Variants in AGAP1 observed in about 807,000 individuals in gnomAD.
AGAP1 encodes the protein ArfGAP with GTPase domain, ankyrin repeat and PH domain 1, also known as arf-GAP with GTPase, ANK repeat and PH domain-containing protein 1.
In AGAP1, 29 loss-of-function variants were observed where a neutral mutation model predicts 105.3. The ratio of observed to expected loss-of-function variants is 0.28; its 90% CI spans 0.21 to 0.38. The LOEUF is 0.38. Ranked by LOEUF, AGAP1 falls within the 10% of genes least tolerant of loss-of-function variation. The probability of loss-of-function intolerance (pLI) is 1.00; values close to 1 mark genes in which losing one functional copy is unlikely to be tolerated. For missense variants in AGAP1, 998 were observed against 1,165.1 expected (o/e 0.86, Z 2.09); for synonymous variants, 509 against 485.9 (o/e 1.05, Z -0.63).
chr2:236,030,779 C>T lies in AGAP1; in HGVS notation c.1646-5782C>T, dbSNP rs913689884. Among the ~76,000 whole-genome samples the T allele has an allele frequency of 5.9e-5, 9 of 152,244 alleles. No individual in the cohort carries two copies. In the South Asian group the frequency reaches 6.2e-4, roughly 11 times the overall value. On this transcript the variant is annotated intron_variant, in intron 13 of 17. Coordinates refer to ENST00000304032, the MANE Select transcript of AGAP1 (RefSeq NM_001037131.3). Reference sequence around the variant, plus strand: ...GCTTAAGTGTTGGAGAGGAGAGCGACAGCACAAACTTCTTACACAGTAAAC... The same window carrying T: ...GCTTAAGTGTTGGAGAGGAGAGCGATAGCACAAACTTCTTACACAGTAAAC...
At chr2:235,849,859 T>C (rs1961974724) in intron 9 of AGAP1, among the ~76,000 whole-genome samples, 2 of 152,184 alleles carry the variant, frequency 1.3e-5, no homozygotes, top group Admixed American at 1.3e-4. Context: ...CCTGTCCCCA[T>C]CTCACACATG....
At chr2:235,949,661 C>G (rs947949492) in intron 12 of AGAP1, among the ~76,000 whole-genome samples, 1 of 152,204 alleles carries the variant, frequency 6.6e-6, no homozygotes, top group Non-Finnish European at 1.5e-5. Context: ...GCGCCATGCT[C>G]TTTTTGCTAA....
chr2:235,686,614 GATATAGATATATAT>G (rs1165124677), intron 1 of AGAP1, among the ~76,000 whole-genome samples: 1 of 37,928 alleles, frequency 2.6e-5, no homozygotes, highest in Non-Finnish European at 5.1e-5. Flanking sequence ...TATACGTGGA[GATATAGATATATAT>G]ATATATATAT....
At chr2:236,077,574 C>T (rs1576246105) in intron 16 of AGAP1, among the ~76,000 whole-genome samples, 1 of 152,138 alleles carries the variant, frequency 6.6e-6, no homozygotes, top group South Asian at 2.1e-4. Flanking sequence ...CCACCTTGGC[C>T]TCCCAAAGTG....
chr2:235,939,584 T>TCGCTGTCCC (rs113141143), intron 12 of AGAP1, among the ~76,000 whole-genome samples: 94,357 of 151,350 alleles, frequency 0.62, 30,661 homozygotes, highest in African/African-American at 0.82. Flanking sequence ...TCGTCTGTCC[T>TCGCTGTCCC]CAGCTACCAC....
chr2:236,048,867 C>G (rs965635980), intron 15 of AGAP1, among the ~76,000 whole-genome samples, 192 bp from the exon 16 acceptor site: 8 of 152,248 alleles, frequency 5.3e-5, no homozygotes, highest in Non-Finnish European at 8.8e-5. Flanking sequence ...TGTTCTGAAG[C>G]TACTACCAAC....
Position 235,720,797 on chromosome 2 carries a change from T to C in AGAP1, c.310+3153T>C. 1.3e-6 allele frequency: 1 copy of C among 771,284 alleles called. No homozygotes were observed. The highest frequency in any genetic ancestry group is 1.6e-6 in the Non-Finnish European group (1 of 634,932). The allele number at this position is 771,284 out of a possible 1,614,324, so 47.8% of individuals were successfully genotyped here. A position where few individuals can be genotyped will look rare whatever the true frequency, so the allele number is the denominator to read the frequency against. On this transcript the variant is annotated intron_variant, in intron 3 of 17. Coordinates refer to ENST00000304032, the MANE Select transcript of AGAP1 (RefSeq NM_001037131.3). This position sits in a 1 kb window ranked among gnomAD's most constrained non-coding sequence, Gnocchi z 5.0. ...AGGGGTGAGGGTGAGGGCCTTCCTGTCTTCAGGGGAGAGCTCTCTCGTGGT... is the reference window on the plus strand; with the variant it reads ...AGGGGTGAGGGTGAGGGCCTTCCTGCCTTCAGGGGAGAGCTCTCTCGTGGT...
chr2:235,837,326 A>G (rs1960289636), intron 9 of AGAP1, among the ~76,000 whole-genome samples: 1 of 152,158 alleles, frequency 6.6e-6, no homozygotes, highest in South Asian at 2.1e-4. Flanking sequence ...AAATATGATT[A>G]ACAGCGGTTA....
At position 236,121,872 on chromosome 2, in the gene AGAP1, G is replaced by A. The variant is rs888343680; in HGVS notation, c.2370+1425G>A. The stretch of plus-strand genomic sequence containing the variant: ...TGGTTCCTGGCGAGGCCTCTCTCAC[G>A]GCTGGTAGACGGCCGCCCTCTCCCT... On this transcript the variant is annotated intron_variant, in intron 17 of 17. Coordinates refer to ENST00000304032, the MANE Select transcript of AGAP1 (RefSeq NM_001037131.3). This position sits in a 1 kb window ranked among gnomAD's most constrained non-coding sequence, Gnocchi z 4.9. Among the ~76,000 whole-genome samples, 3 of 152,124 alleles carry A rather than the reference G, an allele frequency of 2.0e-5. No individual in the cohort carries two copies. Among genetic ancestry groups the A allele is most frequent in the East Asian group, 1.9e-4 (1 of 5,184 alleles).
At chr2:235,771,907 A>C (rs142236572) in intron 6 of AGAP1, among the ~76,000 whole-genome samples, 2 of 151,772 alleles carry the variant, frequency 1.3e-5, no homozygotes, top group African/African-American at 4.8e-5. Flanking sequence ...ATTCAGATGG[A>C]ATTACATAAC....
At chr2:235,565,383 G>A (rs562238724) in intron 1 of AGAP1, among the ~76,000 whole-genome samples, 2 of 152,228 alleles carry the variant, frequency 1.3e-5, no homozygotes, top group Non-Finnish European at 2.9e-5. Context: ...TGTGGTATCT[G>A]TTTTATAGGA....
intron 6 of AGAP1, among the ~76,000 whole-genome samples, chr2:235,758,708 A>G (rs968922144): frequency 6.6e-6 from 1 of 152,234 alleles, no homozygotes; most frequent in African/African-American, 2.4e-5. Flanking sequence ...CTCTGGCAGC[A>G]CTTATGCGGT....
intron 9 of AGAP1, among the ~76,000 whole-genome samples, chr2:235,837,981 G>GT (rs1219464361): frequency 6.6e-6 from 1 of 152,144 alleles, no homozygotes; most frequent in Non-Finnish European, 1.5e-5. Context: ...TCAGGAGTAT[G>GT]AGACCAGCCT....
chr2:235,997,580 G>A (rs1311561907), intron 13 of AGAP1, among the ~76,000 whole-genome samples: 2 of 152,170 alleles, frequency 1.3e-5, no homozygotes, highest in Admixed American at 6.5e-5. Context: ...CTGACTGTGT[G>A]GTAACTGCCC....
chr2:235,550,691 G>A lies in AGAP1; in HGVS notation c.163+55842G>A, dbSNP rs1175821291. Among the ~76,000 whole-genome samples the A allele has an allele frequency of 6.6e-6, 1 of 152,244 alleles. No homozygotes were observed. Among genetic ancestry groups the A allele is most frequent in the Non-Finnish European group, 1.5e-5 (1 of 68,046 alleles). On this transcript the variant is annotated intron_variant, in intron 1 of 17. Transcript: ENST00000304032. This position sits in a 1 kb window ranked among gnomAD's most constrained non-coding sequence, Gnocchi z 4.6. ...CTGAGGCGTGGGGATCTCCGGGCAT[G>A]ATGCGGAATGTAGTGACGATCGCAA...
chr2:235,588,544 G>A (rs1487125966), intron 1 of AGAP1, among the ~76,000 whole-genome samples: 1 of 151,740 alleles, frequency 6.6e-6, no homozygotes, highest in African/African-American at 2.4e-5. Flanking sequence ...GTAAAATCTG[G>A]ATAAAAAAAA....
chr2:235,741,133 G>T lies in AGAP1; in HGVS notation c.396+85G>T, dbSNP rs1952558236. On this transcript the variant is annotated intron_variant, in intron 4 of 17. Coordinates refer to ENST00000304032, the MANE Select transcript of AGAP1 (RefSeq NM_001037131.3). The surrounding 1 kb of genome is among the most constrained non-coding windows in gnomAD (Gnocchi z 4.9). ...TCAAGAAGTGCTTCTAGAAATCGGT[G>T]ACTTGGTTTCCAAAAAAGTGGAAAC... 1 of 1,219,406 alleles carries T rather than the reference G, an allele frequency of 8.2e-7. No individual in the cohort carries two copies. The highest frequency in any genetic ancestry group is 1.1e-6 in the Non-Finnish European group (1 of 907,766). 75.5% of individuals were successfully genotyped at this position (1,219,406 alleles called of 1,614,324 possible). A position where few individuals can be genotyped will look rare whatever the true frequency, so the allele number is the denominator to read the frequency against.
intron 6 of AGAP1, among the ~76,000 whole-genome samples, chr2:235,790,572 C>A (rs1956914848): frequency 6.6e-6 from 1 of 152,176 alleles, no homozygotes; most frequent in Non-Finnish European, 1.5e-5. Flanking sequence ...CTTCTCTATT[C>A]AATTTGAATA....
intron 1 of AGAP1, among the ~76,000 whole-genome samples, chr2:235,580,000 CATGTGG>C (rs200602985): frequency 0.023 from 3,552 of 152,260 alleles, 142 homozygotes; most frequent in African/African-American, 0.081. Context: ...AACCATACAA[CATGTGG>C]CCTTCTGTGA....
Sources: allele counts gnomAD v4.1 joint callset (sites outside exome capture counted in the v4.1 genomes callset), GRCh38; gene constraint gnomAD v4.1.1; non-coding constraint Gnocchi (gnomAD v3.1); transcripts MANE v1.5; gene names NCBI Gene and HGNC (gene_info 2026-07-23, HGNC 2026-07-21).